Variants in HEXD observed in about 807,000 individuals in gnomAD.
The protein encoded by HEXD is hexosaminidase D.
HEXD carries 47 observed loss-of-function variants against 54.2 expected under a neutral mutation model. The observed-to-expected ratio is 0.87, with a 90% confidence interval of 0.69 to 1.11. The LOEUF is 1.11. Among genes scored for constraint, HEXD ranks in the 50% least tolerant of loss-of-function variants. The pLI is 0.00. For missense variants in HEXD, 576 were observed against 649.2 expected (o/e 0.89, Z 1.23); for synonymous variants, 293 against 287.6 (o/e 1.02, Z -0.19).
Position 82,418,440 on chromosome 17 carries a change from C to G in HEXD, c.-352C>G, listed in dbSNP as rs1188252081. On this transcript the variant is annotated 5_prime_UTR_variant, in exon 1 of 13. Transcript: ENST00000327949. ...CTCCGGTTCCGGCGCTCGGCCGCTC[C>G]GTTGCCCTCGGGCGCCTTGGTTGCG... 1 of 1,478,086 alleles carries G rather than the reference C, an allele frequency of 6.8e-7. No homozygotes were observed. The allele number at this position is 1,478,086 out of a possible 1,614,324, so 91.6% of individuals were successfully genotyped here. A position where few individuals can be genotyped will look rare whatever the true frequency, so the allele number is the denominator to read the frequency against.
At position 82,434,222 on chromosome 17, in the gene HEXD, T is replaced by C. The variant is rs1005454145; in HGVS notation, c.447+400T>C. ...GGGTGTAACTCGAGGGACACCCTTT[T>C]GTTGCTGAGAGGAAGTTCTGCATTT... On this transcript the variant is annotated intron_variant, in intron 5 of 12. Coordinates refer to ENST00000327949, the MANE Select transcript of HEXD (RefSeq NM_001330542.2). The surrounding 1 kb of genome is among the most constrained non-coding windows in gnomAD (Gnocchi z 4.5). Among the ~76,000 whole-genome samples, 1 of 152,160 alleles carries C rather than the reference T, an allele frequency of 6.6e-6. No homozygotes were observed.
intron 4 of HEXD, among the ~76,000 whole-genome samples, chr17:82,431,863 C>A (rs2053585823): frequency 6.6e-6 from 1 of 152,196 alleles, no homozygotes; most frequent in Admixed American, 6.5e-5. Context: ...GAGAACTGAA[C>A]ATTTCAGTTA....
At position 82,424,497 on chromosome 17, in the gene HEXD, C is replaced by T. The variant is rs369443145; in HGVS notation, c.188C>T (p.Ala63Val). 4.3e-6 allele frequency: 7 copies of T among 1,609,630 alleles called. No homozygotes were observed. In the African/African-American group the frequency reaches 9.4e-5, roughly 22 times the overall value. ...GPLRLLRAKY[A>V]YSPSEIKEIL... is the part of the protein sequence containing the mutation. ...CTGAGGCTGCTGAGGGCCAAGTACG[C>T]CTACAGGTAACACTGCCCGTGGCAG... Residue 63 changes from alanine (A) to valine (V), a missense_variant, in exon 3 of 13, where the codon GCC (alanine) becomes GTC (valine). Coordinates refer to ENST00000327949, the MANE Select transcript of HEXD (RefSeq NM_001330542.2).
At chr17:82,438,653 G>A (rs991535664) in intron 8 of HEXD, among the ~76,000 whole-genome samples, 4 of 152,254 alleles carry the variant, frequency 2.6e-5, no homozygotes, top group African/African-American at 4.8e-5. Context: ...TGGGCTAGGC[G>A]AACGGCTGGA....
chr17:82,442,066 G>C lies in HEXD; in HGVS notation c.1254-111G>C. The C allele has an allele frequency of 7.1e-7, 1 of 1,405,418 alleles. No individual in the cohort carries two copies. The highest frequency in any genetic ancestry group is 1.3e-5 in the South Asian group (1 of 79,534). The allele number at this position is 1,405,418 out of a possible 1,614,324, so 87.1% of individuals were successfully genotyped here. A position where few individuals can be genotyped will look rare whatever the true frequency, so the allele number is the denominator to read the frequency against. ...CCTCCCGACATGCCGATGAGGTAGG[G>C]TCAGTAGCCCCATTTCACAGGTGAA... On this transcript the variant is annotated intron_variant, in intron 12 of 12. Coordinates refer to ENST00000327949, the MANE Select transcript of HEXD (RefSeq NM_001330542.2). The surrounding 1 kb of genome is among the most constrained non-coding windows in gnomAD (Gnocchi z 6.8).
At chr17:82,429,034 T>C (rs1292514177) in intron 4 of HEXD, among the ~76,000 whole-genome samples, 2 of 152,074 alleles carry the variant, frequency 1.3e-5, no homozygotes, top group African/African-American at 4.8e-5. Flanking sequence ...CCGAGGCTGG[T>C]GGATCACCTG....
intron 3 of HEXD, 46 bp from the exon 4 acceptor site, chr17:82,428,512 A>C (rs1180696625): frequency 1.3e-6 from 2 of 1,564,176 alleles, no homozygotes; most frequent in Non-Finnish European, 1.8e-6. Flanking sequence ...TGTGGAAGTC[A>C]CGTGCTGCTC....
In HEXD at chr17:82,434,422, G is replaced by T. The variant is rs905136625; in HGVS notation, c.447+600G>T. On this transcript the variant is annotated intron_variant, in intron 5 of 12. Coordinates refer to ENST00000327949, the MANE Select transcript of HEXD (RefSeq NM_001330542.2). This position sits in a 1 kb window ranked among gnomAD's most constrained non-coding sequence, Gnocchi z 4.5. Reference sequence around the variant, plus strand: ...GGCGGGGTTGGTGCCCACGGGGCTGGGAGGTTCTGCAGGGCTGTGGCTCAC... The same window carrying T: ...GGCGGGGTTGGTGCCCACGGGGCTGTGAGGTTCTGCAGGGCTGTGGCTCAC... Among the ~76,000 whole-genome samples, 1 of 152,228 alleles carries T rather than the reference G, an allele frequency of 6.6e-6. No individual in the cohort carries two copies. Among genetic ancestry groups the T allele is most frequent in the Admixed American group, 6.5e-5 (1 of 15,286 alleles).
rs1304665026 is a variant in HEXD at position 82,418,522 on chromosome 17, C to T, written c.-270C>T. On this transcript the variant is annotated 5_prime_UTR_variant, in exon 1 of 13. Transcript: ENST00000327949. ...GCCGCGGAGCCGGGCCGGACGCGGG[C>T]GCCAGGCCCGGGGACGAACGCCGTA... 3 of 1,251,244 alleles carry T rather than the reference C, an allele frequency of 2.4e-6. No homozygotes were observed. The highest frequency in any genetic ancestry group is 3.1e-6 in the Non-Finnish European group (3 of 978,290). 77.5% of individuals were successfully genotyped at this position (1,251,244 alleles called of 1,614,324 possible).
intron 9 of HEXD, 134 bp from the exon 10 acceptor site, chr17:82,440,863 C>CT: frequency 1.0e-6 from 1 of 968,540 alleles, no homozygotes; most frequent in South Asian, 1.4e-5. Context: ...CCGGCACACG[C>CT]GGGGCTGGGC....
intron 8 of HEXD, among the ~76,000 whole-genome samples, chr17:82,439,132 C>G (rs1268354547): frequency 6.6e-6 from 1 of 152,246 alleles, no homozygotes; most frequent in East Asian, 1.9e-4. Context: ...TGCCCCTGAC[C>G]TGCTGCCTGC....
Position 82,418,365 on chromosome 17 carries a change from G to GC in HEXD, c.-424dup. On this transcript the variant is annotated 5_prime_UTR_variant, in exon 1 of 13. It introduces an in-frame stop codon into an upstream open reading frame of the 5' UTR. Transcript: ENST00000327949. Reference sequence around the variant, plus strand: ...CAGCCCCAGTCCCGCCCACTCCATGGCCCTGTCCGCCGCCGCAGCGCGCGC... The same window carrying GC: ...CAGCCCCAGTCCCGCCCACTCCATGGCCCCTGTCCGCCGCCGCAGCGCGCGC... 8.5e-7 allele frequency: 1 copy of GC among 1,175,828 alleles called. No individual in the cohort carries two copies. The allele number at this position is 1,175,828 out of a possible 1,614,324, so 72.8% of individuals were successfully genotyped here.
chr17:82,438,414 C>G (rs979173074), intron 8 of HEXD, among the ~76,000 whole-genome samples: 3 of 152,184 alleles, frequency 2.0e-5, no homozygotes, highest in African/African-American at 7.2e-5. Context: ...AGCACTTCCT[C>G]AGCTGTAAAA....
rs541379446 is a variant in HEXD at position 82,436,027 on chromosome 17, G to A, written c.631+155G>A. On this transcript the variant is annotated intron_variant, in intron 6 of 12. Transcript: ENST00000327949. ...ACCTCCTGCATCCCCTTGACGCCAG[G>A]CCTGAGTCGTTTCCCTAGAAGCTGT... Among the ~76,000 whole-genome samples the A allele has an allele frequency of 3.9e-5, 6 of 152,384 alleles. No homozygotes were observed. The East Asian group carries it at 9.6e-4, about 24-fold the overall frequency.
In HEXD at chr17:82,440,060, C is replaced by T. The variant is rs370032445; in HGVS notation, c.982+347C>T. ...CCCACCTGGCCGAGCAGGTGTGGGG[C>T]TCAGGCGCCCGGCCCTGGAAGGCCC... On this transcript the variant is annotated intron_variant, in intron 9 of 12. Coordinates refer to ENST00000327949, the MANE Select transcript of HEXD (RefSeq NM_001330542.2). 2.0e-4 allele frequency: 256 copies of T among 1,301,532 alleles called. 3 individuals carry two copies. In the East Asian group the frequency reaches 0.01, roughly 51 times the overall value. 80.6% of individuals were successfully genotyped at this position (1,301,532 alleles called of 1,614,324 possible).
chr17:82,419,082 C>T (rs1567879417), intron 1 of HEXD, among the ~76,000 whole-genome samples: 2 of 152,304 alleles, frequency 1.3e-5, no homozygotes, highest in East Asian at 3.9e-4. Flanking sequence ...TCACCCAATC[C>T]TTTGTGCTTT....
At chr17:82,425,182 G>A (rs1223242647) in intron 3 of HEXD, among the ~76,000 whole-genome samples, 225 of 140,742 alleles carry the variant, frequency 1.6e-3, no homozygotes, top group African/African-American at 3.9e-3. Context: ...GAGGCTGGAG[G>A]AGGCCGGAGA....
At chr17:82,435,625 C>T (rs1286468783) in intron 5 of HEXD, 64 bp from the exon 6 acceptor site, 39 of 1,531,136 alleles carry the variant, frequency 2.5e-5, no homozygotes, top group Non-Finnish European at 3.4e-5. Flanking sequence ...ACGGCGTGAA[C>T]CCCGGACCCT....
chr17:82,439,814 G>A (rs1450221121), intron 9 of HEXD, 101 bp downstream of exon 9: 14 of 1,591,934 alleles, frequency 8.8e-6, no homozygotes, highest in Non-Finnish European at 1.2e-5. Flanking sequence ...CTGCTGGACT[G>A]TGGTGGTCCT....
Sources: allele counts gnomAD v4.1 joint callset (sites outside exome capture counted in the v4.1 genomes callset), GRCh38; gene constraint gnomAD v4.1.1; non-coding constraint Gnocchi (gnomAD v3.1); transcripts MANE v1.5; gene names NCBI Gene and HGNC (gene_info 2026-07-23, HGNC 2026-07-21).